The following TGS1 variants were observed in gnomAD, a reference collection of about 807,000 sequenced individuals.
The protein encoded by TGS1 is trimethylguanosine synthase.
A neutral mutation model predicts 92.2 loss-of-function variants in TGS1; 69 were observed. That is an observed-to-expected ratio of 0.75 (90% CI 0.62 to 0.91). The LOEUF (loss-of-function observed/expected upper bound fraction) is 0.91, where lower values mean the gene tolerates loss of function less well. TGS1 is among the 40% of genes least tolerant of loss of function. TGS1 has a pLI of 0.00. For synonymous variants in TGS1, 345 were observed against 338.1 expected (o/e 1.02, Z -0.22); for missense variants, 1,062 against 1,001.2 (o/e 1.06, Z -0.82).
chr8:55,792,068 T>G (rs947984416), intron 5 of TGS1, among the ~76,000 whole-genome samples: 2 of 152,234 alleles, frequency 1.3e-5, no homozygotes, highest in Non-Finnish European at 2.9e-5. Flanking sequence ...CAGTTCCTGC[T>G]AGTTACTGGA....
At chr8:55,805,661 G>A (rs184570718) in intron 10 of TGS1, among the ~76,000 whole-genome samples, 53 of 152,002 alleles carry the variant, frequency 3.5e-4, no homozygotes, top group Non-Finnish European at 5.9e-4. Context: ...CAAGGTAGGC[G>A]GATCACCTGA....
intron 9 of TGS1, among the ~76,000 whole-genome samples, chr8:55,803,625 A>T (rs1319982803): frequency 6.6e-6 from 1 of 152,026 alleles, no homozygotes; most frequent in Non-Finnish European, 1.5e-5. Context: ...GGGAGACAAC[A>T]GGAAAATTAA....
intron 12 of TGS1, among the ~76,000 whole-genome samples, chr8:55,823,694 G>C (rs542752111): frequency 7.2e-5 from 11 of 152,140 alleles, no homozygotes; most frequent in South Asian, 4.2e-4. Context: ...TGAGAGAGAG[G>C]GTGAGATGCA....
intron 10 of TGS1, among the ~76,000 whole-genome samples, chr8:55,806,157 A>C (rs1812363391): frequency 6.6e-6 from 1 of 151,496 alleles, no homozygotes; most frequent in Non-Finnish European, 1.5e-5. Flanking sequence ...GGAGTTCAAG[A>C]CCAGCCTGAC....
At chr8:55,775,778 G>A (rs1811378593) in intron 1 of TGS1, among the ~76,000 whole-genome samples, 1 of 151,284 alleles carries the variant, frequency 6.6e-6, no homozygotes. Context: ...GCCTTAGATA[G>A]TGATTGAACC....
chr8:55,785,373 T>C (rs1454889327), intron 2 of TGS1, among the ~76,000 whole-genome samples: 2 of 150,644 alleles, frequency 1.3e-5, no homozygotes, highest in Non-Finnish European at 2.9e-5. Flanking sequence ...AATTGTTTTT[T>C]TGTTTGTTTG....
intron 1 of TGS1, among the ~76,000 whole-genome samples, chr8:55,781,201 CTA>C (rs1183793051): frequency 6.6e-6 from 1 of 151,970 alleles, no homozygotes; most frequent in African/African-American, 2.4e-5. Context: ...CTTTTAAAAA[CTA>C]TTTTTATGTC....
intron 10 of TGS1, among the ~76,000 whole-genome samples, chr8:55,809,046 G>A (rs771280519): frequency 3.3e-5 from 5 of 152,182 alleles, no homozygotes; most frequent in Non-Finnish European, 7.3e-5. Context: ...CTATCATAAT[G>A]TATGTTCATG....
At chr8:55,815,398 G>A (rs760684903) in intron 12 of TGS1, among the ~76,000 whole-genome samples, 3 of 152,226 alleles carry the variant, frequency 2.0e-5, no homozygotes, top group Non-Finnish European at 2.9e-5. Context: ...AAATGTATCC[G>A]TATGTAGGAC....
intron 12 of TGS1, among the ~76,000 whole-genome samples, chr8:55,822,263 G>A (rs913811164): frequency 4.0e-5 from 6 of 151,772 alleles, no homozygotes; most frequent in African/African-American, 1.5e-4. Flanking sequence ...GTAGAGACGG[G>A]GTTTTACCTT....
At chr8:55,773,748 T>G in intron 1 of TGS1, 29 bp downstream of exon 1, 1 of 1,551,238 alleles carries the variant, frequency 6.4e-7, no homozygotes, top group East Asian at 2.3e-5. Flanking sequence ...CTCTTCATGT[T>G]CTAGCACAGT....
intron 10 of TGS1, among the ~76,000 whole-genome samples, chr8:55,806,728 A>G (rs991353459): frequency 6.6e-6 from 1 of 152,162 alleles, no homozygotes; most frequent in African/African-American, 2.4e-5. Context: ...TTTCACAGAT[A>G]AACTGAGACA....
intron 10 of TGS1, among the ~76,000 whole-genome samples, chr8:55,807,031 C>A (rs983142105): frequency 6.6e-6 from 1 of 151,830 alleles, no homozygotes; most frequent in Admixed American, 6.6e-5. Context: ...CGAGTGCATG[C>A]CATTCTCCTG....
At chr8:55,806,927 T>G (rs1443625828) in intron 10 of TGS1, among the ~76,000 whole-genome samples, 2 of 145,800 alleles carry the variant, frequency 1.4e-5, no homozygotes, top group African/African-American at 5.0e-5. Flanking sequence ...TTATTTAATT[T>G]TTTTTTTTCT....
In TGS1 at chr8:55,796,153, G is replaced by C; in HGVS notation, c.1542+1G>C. On this transcript the variant is annotated splice_donor_variant, in intron 7 of 12. Transcript: ENST00000260129. LOFTEE classifies it high-confidence loss of function. ...CAAGAAAAGCAAAATTCTGAGTAAG[G>C]TATGTATAAATTTTGTTGCATATTT... is the stretch of plus-strand genomic sequence containing the variant. 1 of 1,599,912 alleles carries C rather than the reference G, an allele frequency of 6.3e-7. No homozygotes were observed. Among genetic ancestry groups the C allele is most frequent in the Non-Finnish European group, 8.5e-7 (1 of 1,171,188 alleles).
At position 55,786,404 on chromosome 8, in the gene TGS1, A is replaced by G. The variant is rs150609114; in HGVS notation, c.506A>G (p.Tyr169Cys). 2.5e-6 allele frequency: 4 copies of G among 1,613,596 alleles called. No individual in the cohort carries two copies. Among genetic ancestry groups the G allele is most frequent in the South Asian group, 2.2e-5 (2 of 90,860 alleles). ...SIEQYENTRTYELQSKKDTET... is the reference protein window; with the variant it reads ...SIEQYENTRTCELQSKKDTET... The stretch of plus-strand genomic sequence containing the variant: ...GAACAGTATGAGAACACCAGAACAT[A>G]TGAACTTCAAAGCAAAAAAGATACT... Residue 169 changes from tyrosine to cysteine, a missense_variant, in exon 4 of 13, where the codon TAT (tyrosine) becomes TGT (cysteine). Coordinates refer to ENST00000260129, the MANE Select transcript of TGS1 (RefSeq NM_024831.8).
intron 12 of TGS1, among the ~76,000 whole-genome samples, chr8:55,815,539 G>C (rs1320999453): frequency 6.6e-6 from 1 of 152,160 alleles, no homozygotes; most frequent in South Asian, 2.1e-4. Flanking sequence ...GGGATCCCAA[G>C]TGTGTCACTG....
chr8:55,774,158 G>C (rs1811308329), intron 1 of TGS1, among the ~76,000 whole-genome samples: 1 of 152,138 alleles, frequency 6.6e-6, no homozygotes, highest in Admixed American at 6.5e-5. Context: ...AACTAGTTGA[G>C]ATAAAAGACT....
intron 12 of TGS1, among the ~76,000 whole-genome samples, chr8:55,817,741 A>G (rs185497277): frequency 6.6e-6 from 1 of 152,332 alleles, no homozygotes; most frequent in East Asian, 1.9e-4. Context: ...ATGAGAGAAT[A>G]AAAAGAAGGC....
Sources: allele counts gnomAD v4.1 joint callset (sites outside exome capture counted in the v4.1 genomes callset), GRCh38; gene constraint gnomAD v4.1.1; transcripts MANE v1.5; gene names NCBI Gene and HGNC (gene_info 2026-07-23, HGNC 2026-07-21).